The following GNAI1 variants were observed in gnomAD, a reference collection of about 807,000 sequenced individuals.
GNAI1 encodes guanine nucleotide-binding protein G(i) subunit alpha-1.
A neutral mutation model predicts 38.9 loss-of-function variants in GNAI1; 11 were observed. That is an observed-to-expected ratio of 0.28 (90% confidence interval 0.18 to 0.47). The LOEUF is 0.47. GNAI1 is among the 20% of genes least tolerant of loss of function. The pLI is 0.99. For missense variants in GNAI1, 317 were observed against 436.9 expected (o/e 0.73, Z 2.45); for synonymous variants, 166 against 145.1 (o/e 1.14, Z -1.04).
chr7:80,148,934 T>A (rs1248149897), intron 1 of GNAI1, among the ~76,000 whole-genome samples: 1 of 152,150 alleles, frequency 6.6e-6, no homozygotes, highest in African/African-American at 2.4e-5. Context: ...GTGGTATTAC[T>A]AATACTAATG....
chr7:80,219,804 G>A lies in GNAI1; in HGVS notation c.*2311G>A, dbSNP rs535808997. The stretch of plus-strand genomic sequence containing the variant: ...TATACATGTGCCATGGTGGTTTGCT[G>A]CACCTATCAACCTGTCATCTAAGTT... On this transcript the variant is annotated 3_prime_UTR_variant, in exon 8 of 8. Coordinates refer to ENST00000649796, the MANE Select transcript of GNAI1 (RefSeq NM_002069.6). Among the ~76,000 whole-genome samples the A allele has an allele frequency of 6.6e-6, 1 of 152,086 alleles. No individual in the cohort carries two copies. Among genetic ancestry groups the A allele is most frequent in the Non-Finnish European group, 1.5e-5 (1 of 68,000 alleles).
At chr7:80,212,351 C>A (rs1023809030) in intron 6 of GNAI1, among the ~76,000 whole-genome samples, 18 of 152,088 alleles carry the variant, frequency 1.2e-4, no homozygotes. Flanking sequence ...TCTTTAAAAA[C>A]CTCTATTTAT....
intron 3 of GNAI1, among the ~76,000 whole-genome samples, chr7:80,197,180 ATTTT>A (rs35283597): frequency 4.4e-5 from 6 of 137,430 alleles, no homozygotes; most frequent in Admixed American, 7.3e-5. Context: ...GTTTCTGTGG[ATTTT>A]TTTTTTTTTT....
intron 1 of GNAI1, among the ~76,000 whole-genome samples, chr7:80,173,928 C>G (rs1391143515): frequency 6.6e-6 from 1 of 152,086 alleles, no homozygotes; most frequent in Admixed American, 6.5e-5. Context: ...AATATCAACC[C>G]CAGAGGCTCT....
At chr7:80,138,999 G>A (rs969815310) in intron 1 of GNAI1, among the ~76,000 whole-genome samples, 1 of 152,126 alleles carries the variant, frequency 6.6e-6, no homozygotes, top group Non-Finnish European at 1.5e-5. Context: ...AGAAATGTTG[G>A]CTATGCAGGG....
chr7:80,214,072 A>G (rs1238619582), intron 7 of GNAI1, among the ~76,000 whole-genome samples: 1 of 152,126 alleles, frequency 6.6e-6, no homozygotes, highest in Non-Finnish European at 1.5e-5. Flanking sequence ...CTGCTCCTAG[A>G]CCATGAACGA....
chr7:80,200,603 A>G (rs1359680728), intron 4 of GNAI1, among the ~76,000 whole-genome samples: 3 of 152,134 alleles, frequency 2.0e-5, no homozygotes, highest in African/African-American at 7.2e-5. Flanking sequence ...GCCACAATGA[A>G]TAAATAAATG....
chr7:80,167,508 C>T (rs534567112), intron 1 of GNAI1, among the ~76,000 whole-genome samples: 42 of 152,146 alleles, frequency 2.8e-4, no homozygotes, highest in African/African-American at 8.7e-4. Flanking sequence ...TATAATATTC[C>T]GAAACAAAAT....
At chr7:80,152,219 G>C (rs921471190) in intron 1 of GNAI1, among the ~76,000 whole-genome samples, 2 of 152,112 alleles carry the variant, frequency 1.3e-5, no homozygotes, top group African/African-American at 4.8e-5. Context: ...TCAGTCCTCT[G>C]TTATGCTTCT....
chr7:80,179,390 G>A (rs2115595401), intron 1 of GNAI1, among the ~76,000 whole-genome samples: 1 of 152,266 alleles, frequency 6.6e-6, no homozygotes, highest in Admixed American at 6.5e-5. Flanking sequence ...CAAATCCTCA[G>A]GTCATGCAGA....
chr7:80,206,361 C>G (rs966421478), intron 5 of GNAI1, among the ~76,000 whole-genome samples: 4 of 149,162 alleles, frequency 2.7e-5, no homozygotes, highest in African/African-American at 7.7e-5. Flanking sequence ...TTTCTTAAAG[C>G]CTTCAGTGGA....
chr7:80,152,558 CTTTTTTTT>C (rs35141470), intron 1 of GNAI1, among the ~76,000 whole-genome samples: 9 of 103,018 alleles, frequency 8.7e-5, no homozygotes, highest in East Asian at 2.7e-4. Context: ...GGTCTCAATT[CTTTTTTTT>C]TTTTTTTTTT....
At chr7:80,139,624 A>G (rs930049473) in intron 1 of GNAI1, among the ~76,000 whole-genome samples, 23 of 152,208 alleles carry the variant, frequency 1.5e-4, no homozygotes, top group African/African-American at 5.5e-4. Flanking sequence ...ATGTAAAATT[A>G]TTATCTTGCT....
chr7:80,210,668 A>C (rs1435924926), intron 5 of GNAI1, among the ~76,000 whole-genome samples: 1 of 149,826 alleles, frequency 6.7e-6, no homozygotes. Flanking sequence ...ATTTGCTTTA[A>C]TGTTCTAAGT....
At chr7:80,189,279 A>G (rs200418511) in intron 3 of GNAI1, 48 bp downstream of exon 3, 34 of 1,514,220 alleles carry the variant, frequency 2.2e-5, no homozygotes, top group Middle Eastern at 1.7e-4. Flanking sequence ...AAAAAGAATA[A>G]CTTGTATGCT....
At chr7:80,203,549 A>G (rs753282894) in intron 4 of GNAI1, among the ~76,000 whole-genome samples, 155 bp from the exon 5 acceptor site, 1 of 152,188 alleles carries the variant, frequency 6.6e-6, no homozygotes, top group Non-Finnish European at 1.5e-5. Flanking sequence ...GATAAGATAC[A>G]AGCTTAAACT....
intron 3 of GNAI1, among the ~76,000 whole-genome samples, chr7:80,194,938 T>C (rs1475774016): frequency 6.6e-6 from 1 of 152,066 alleles, no homozygotes; most frequent in African/African-American, 2.4e-5. Context: ...AGTAGTATTC[T>C]GGTTTATGTT....
At chr7:80,150,323 G>A (rs1222162236) in intron 1 of GNAI1, among the ~76,000 whole-genome samples, 1 of 152,150 alleles carries the variant, frequency 6.6e-6, no homozygotes, top group African/African-American at 2.4e-5. Context: ...ATAAATAAAT[G>A]AGGGTATATA....
At chr7:80,135,609 G>T in intron 1 of GNAI1, 1 of 216,064 alleles carries the variant, frequency 4.6e-6, no homozygotes, top group Non-Finnish European at 8.3e-6. Flanking sequence ...GCTCAGCCTT[G>T]TAAAGATGAA....
Sources: allele counts gnomAD v4.1 joint callset (sites outside exome capture counted in the v4.1 genomes callset), GRCh38; gene constraint gnomAD v4.1.1; transcripts MANE v1.5; gene names NCBI Gene and HGNC (gene_info 2026-07-23, HGNC 2026-07-21).